The following AMBRA1 variants were observed in gnomAD, a reference collection of about 807,000 sequenced individuals.
AMBRA1 encodes the protein activating molecule in BECN1-regulated autophagy protein 1.
AMBRA1 carries 47 observed loss-of-function variants against 125.4 expected under a neutral mutation model. The observed-to-expected ratio is 0.37, with a 90% CI of 0.30 to 0.48. AMBRA1 has a LOEUF of 0.48. Among genes scored for constraint, AMBRA1 ranks in the 20% least tolerant of loss-of-function variants. The probability of loss-of-function intolerance (pLI) is 0.99; values close to 1 mark genes in which losing one functional copy is unlikely to be tolerated. For missense variants in AMBRA1, 1,331 were observed against 1,693.4 expected, an observed-to-expected ratio of 0.79 and a Z score of 3.76; for synonymous variants, 626 against 655.5, an observed-to-expected ratio of 0.95 and a Z score of 0.69.
At position 46,451,504 on chromosome 11, in the gene AMBRA1, T is replaced by C. The variant is rs551717130; in HGVS notation, c.2522-7906A>G. 3.2e-3 allele frequency among the ~76,000 whole-genome samples: 487 copies of C among 152,270 alleles called. 4 individuals carry two copies. The highest frequency in any genetic ancestry group is 5.8e-3 in the Non-Finnish European group (397 of 68,020). ...CACAGCTTCTCTCTAAGATTTGTTC[T>C]AGGAGAAGGGAAATGAAAAGTATGA... On this transcript the variant is annotated intron_variant, in intron 11 of 17. Coordinates refer to ENST00000683756, the MANE Select transcript of AMBRA1 (RefSeq NM_001387011.1).
chr11:46,435,110 A>C, intron 12 of AMBRA1, 73 bp from the exon 13 acceptor site: 1 of 1,370,808 alleles, frequency 7.3e-7, no homozygotes, highest in Non-Finnish European at 9.8e-7. Context: ...GGGGCCAAGA[A>C]ACTTTAGGGA....
rs113039520 is a variant in AMBRA1, at chr11:46,515,023, G to A, written c.2073-2210C>T. Among the ~76,000 whole-genome samples, 1,296 of 152,302 alleles carry A rather than the reference G, an allele frequency of 8.5e-3. 19 individuals are homozygous for A. The highest frequency in any genetic ancestry group is 0.03 in the African/African-American group (1,246 of 41,546). On this transcript the variant is annotated intron_variant, in intron 7 of 17. Transcript: ENST00000683756. ...GAGTTGAAGAATGGAAGCAAGGTCT[G>A]GGAGCAGCTGACTATCCTAGAATAC... is the stretch of plus-strand genomic sequence containing the variant.
chr11:46,522,113 G>A (rs564864656), intron 7 of AMBRA1, among the ~76,000 whole-genome samples: 2 of 152,330 alleles, frequency 1.3e-5, no homozygotes, highest in South Asian at 4.1e-4. Flanking sequence ...TATACATAGT[G>A]TGCAATCATG....
At chr11:46,457,588 T>TG (rs1332473253) in intron 11 of AMBRA1, among the ~76,000 whole-genome samples, 2 of 152,176 alleles carry the variant, frequency 1.3e-5, no homozygotes, top group East Asian at 3.8e-4. Flanking sequence ...TTAATGGATT[T>TG]GGTGGTGACG....
At chr11:46,547,755 A>C in intron 3 of AMBRA1, 62 bp downstream of exon 3, 9 of 1,488,868 alleles carry the variant, frequency 6.0e-6, no homozygotes, top group African/African-American at 1.4e-5. Flanking sequence ...AGATCAAGCC[A>C]GGCCAAATAT....
At chr11:46,502,677 A>G (rs1048146904) in intron 9 of AMBRA1, among the ~76,000 whole-genome samples, 3 of 152,212 alleles carry the variant, frequency 2.0e-5, no homozygotes, top group African/African-American at 4.8e-5. Context: ...CTATCACCTG[A>G]TAAGAATGGT....
chr11:46,561,736 A>C (rs2043345832), intron 1 of AMBRA1, among the ~76,000 whole-genome samples: 1 of 152,206 alleles, frequency 6.6e-6, no homozygotes, highest in Non-Finnish European at 1.5e-5. Flanking sequence ...AAGAAGTCAA[A>C]TTATTAAACA....
At chr11:46,403,997 C>G (rs1254148798) in intron 17 of AMBRA1, among the ~76,000 whole-genome samples, 4 of 152,090 alleles carry the variant, frequency 2.6e-5, no homozygotes, top group Admixed American at 2.6e-4. Flanking sequence ...CCCAGGAGTT[C>G]GAGACCAGCC....
At chr11:46,571,718 T>C (rs1230903199) in intron 1 of AMBRA1, among the ~76,000 whole-genome samples, 3 of 1,884 alleles carry the variant, frequency 1.6e-3, no homozygotes, top group Non-Finnish European at 3.0e-3. Flanking sequence ...AGACAAAGTG[T>C]CCCTCTGTCG....
intron 7 of AMBRA1, among the ~76,000 whole-genome samples, chr11:46,535,238 T>C (rs1288125901): frequency 6.6e-6 from 1 of 152,238 alleles, no homozygotes; most frequent in Non-Finnish European, 1.5e-5. Flanking sequence ...GTTTACTGTA[T>C]AGTATCTTGA....
intron 1 of AMBRA1, among the ~76,000 whole-genome samples, chr11:46,580,762 A>T (rs1209589313): frequency 6.6e-6 from 1 of 151,940 alleles, no homozygotes; most frequent in Admixed American, 6.6e-5. Flanking sequence ...ACCCCTCCCC[A>T]CAATGTACCC....
At chr11:46,410,446 G>T in intron 15 of AMBRA1, 78 bp from the exon 16 acceptor site, 2 of 1,303,502 alleles carry the variant, frequency 1.5e-6, no homozygotes, top group South Asian at 2.4e-5. Flanking sequence ...TGAAACTCCT[G>T]GCTTTGTGGA....
At chr11:46,561,770 G>A (rs1346979255) in intron 1 of AMBRA1, among the ~76,000 whole-genome samples, 1 of 152,124 alleles carries the variant, frequency 6.6e-6, no homozygotes, top group East Asian at 1.9e-4. Flanking sequence ...CTAAAAGGCC[G>A]ACATGCCACC....
intron 1 of AMBRA1, among the ~76,000 whole-genome samples, chr11:46,552,368 CAAAAAAAAAAAAAAAAAAAAAAAA>C (rs56090695): frequency 5.8e-4 from 7 of 11,980 alleles, no homozygotes; most frequent in South Asian, 4.3e-3. Context: ...GACTCCATCT[CAAAAAAAAAAAAAAAAAAAAAAAA>C]AAAAAAAAAA....
At chr11:46,417,811 T>C (rs1045250997) in intron 15 of AMBRA1, 102 bp downstream of exon 15, 7 of 1,381,112 alleles carry the variant, frequency 5.1e-6, no homozygotes, top group Non-Finnish European at 6.8e-6. Flanking sequence ...AGGCTCTAGA[T>C]GGATTGACAT....
intron 17 of AMBRA1, among the ~76,000 whole-genome samples, chr11:46,398,501 G>T (rs1945562952): frequency 6.6e-6 from 1 of 152,136 alleles, no homozygotes; most frequent in South Asian, 2.1e-4. Flanking sequence ...TTGATTGATT[G>T]ATTGATGGAG....
chr11:46,437,387 G>A (rs1315614069), intron 12 of AMBRA1, among the ~76,000 whole-genome samples: 1 of 152,150 alleles, frequency 6.6e-6, no homozygotes. Context: ...AGCTCACAGA[G>A]ATATGCAAAG....
intron 14 of AMBRA1, among the ~76,000 whole-genome samples, chr11:46,429,445 G>A (rs1177172438): frequency 1.3e-5 from 2 of 152,146 alleles, no homozygotes; most frequent in African/African-American, 2.4e-5. Flanking sequence ...GGGAGGTGGG[G>A]GGGTGGTCCA....
chr11:46,539,537 A>G (rs1012671008), intron 7 of AMBRA1, among the ~76,000 whole-genome samples: 1 of 152,178 alleles, frequency 6.6e-6, no homozygotes, highest in South Asian at 2.1e-4. Context: ...AGCCTGGGCA[A>G]CAAGAGCGAA....
Sources: gnomAD v4.1 joint callset for allele counts (sites outside exome capture counted in the v4.1 genomes callset) on GRCh38, gnomAD v4.1.1 for gene constraint, MANE v1.5 for transcripts, NCBI Gene and HGNC (gene_info 2026-07-23, HGNC 2026-07-21) for gene names.